Variants in PRELID2 observed in about 807,000 individuals in gnomAD.
PRELID2 encodes PRELI domain-containing protein 2.
Under a neutral mutation model 28.4 loss-of-function variants are expected in PRELID2, and 25 were observed. The ratio of observed to expected loss-of-function variants is 0.88; its 90% CI spans 0.64 to 1.23. The LOEUF is 1.23. Among genes scored for constraint, PRELID2 ranks in the 50% most tolerant of loss-of-function variants. PRELID2 has a pLI of 0.00. For synonymous variants in PRELID2, 76 were observed against 71.6 expected (o/e 1.06, Z -0.31); for missense variants, 201 against 214.4 (o/e 0.94, Z 0.39).
chr5:145,802,636 G>A (rs1051950462), intron 4 of PRELID2, among the ~76,000 whole-genome samples: 1 of 152,172 alleles, frequency 6.6e-6, no homozygotes, highest in African/African-American at 2.4e-5. Flanking sequence ...ATTGTGGGAT[G>A]AGCCACCTAA....
chr5:145,523,893 T>C (rs1752585027), intron 1 of PRELID2, among the ~76,000 whole-genome samples: 1 of 152,226 alleles, frequency 6.6e-6, no homozygotes, highest in Admixed American at 6.5e-5. Flanking sequence ...ATCCTTGTAC[T>C]AGTTTGCACA....
chr5:145,532,408 G>A (rs1035777796), intron 1 of PRELID2, among the ~76,000 whole-genome samples: 14 of 151,950 alleles, frequency 9.2e-5, no homozygotes, highest in Admixed American at 2.0e-4. Context: ...AAACATATAC[G>A]TTGTAGAATG....
chr5:145,542,902 A>G (rs536335947), intron 1 of PRELID2, among the ~76,000 whole-genome samples: 1 of 152,036 alleles, frequency 6.6e-6, no homozygotes, highest in African/African-American at 2.4e-5. Context: ...ATCCTATCAG[A>G]TTAAGAACAA....
intron 1 of PRELID2, among the ~76,000 whole-genome samples, chr5:145,735,281 A>T (rs116582572): frequency 0.023 from 3,554 of 151,628 alleles, 133 homozygotes; most frequent in African/African-American, 0.081. Flanking sequence ...AGTCTAACTC[A>T]TCTTAACTCC....
intron 1 of PRELID2, among the ~76,000 whole-genome samples, chr5:145,579,986 A>G (rs533301403): frequency 1.6e-4 from 25 of 152,254 alleles, no homozygotes; most frequent in African/African-American, 5.8e-4. Flanking sequence ...ATGAATGAAT[A>G]ACTTTCCAAA....
At chr5:145,425,892 G>A in the PRELID2 span, among the ~76,000 whole-genome samples, 4 of 152,048 alleles carry the variant, frequency 2.6e-5, no homozygotes, top group Non-Finnish European at 4.4e-5. Flanking sequence ...AACCAACTAT[G>A]CCTTCCCACT....
At chr5:145,550,336 G>A (rs962556008) in intron 1 of PRELID2, among the ~76,000 whole-genome samples, 5 of 152,126 alleles carry the variant, frequency 3.3e-5, no homozygotes, top group African/African-American at 1.2e-4. Context: ...ATGAAGTCTG[G>A]AGTTTACCAG....
At chr5:145,639,794 A>C (rs1754067198) in intron 1 of PRELID2, among the ~76,000 whole-genome samples, 3 of 152,232 alleles carry the variant, frequency 2.0e-5, no homozygotes. Context: ...TACAGAAAGA[A>C]AAAAAGATTT....
At chr5:145,744,176 C>T (rs564121833) in intron 1 of PRELID2, among the ~76,000 whole-genome samples, 1 of 152,340 alleles carries the variant, frequency 6.6e-6, no homozygotes, top group African/African-American at 2.4e-5. Context: ...CCCAGATCTC[C>T]CTGGGCCTGA....
At chr5:145,829,061 T>C (rs1755413167) in intron 1 of PRELID2, among the ~76,000 whole-genome samples, 3 of 151,068 alleles carry the variant, frequency 2.0e-5, no homozygotes, top group Admixed American at 2.0e-4. Context: ...TTGTTGTTGG[T>C]GGTGGTGGTG....
chr5:145,322,311 C>G, the PRELID2 span, among the ~76,000 whole-genome samples: 1 of 152,130 alleles, frequency 6.6e-6, no homozygotes, highest in East Asian at 1.9e-4. Context: ...ATATAAGGAC[C>G]TCTTAGGACC....
chr5:145,352,333 T>A, the PRELID2 span, among the ~76,000 whole-genome samples: 1 of 152,336 alleles, frequency 6.6e-6, no homozygotes, highest in South Asian at 2.1e-4. Context: ...GACTTCTGTG[T>A]ACCCTCATGC....
the PRELID2 span, among the ~76,000 whole-genome samples, chr5:145,421,191 T>C: frequency 8.6e-5 from 13 of 150,782 alleles, no homozygotes; most frequent in African/African-American, 1.7e-4. Context: ...GGTCTAAAAT[T>C]CTCTTTTTTT....
At position 145,756,433 on chromosome 5, in the gene PRELID2, G is replaced by T. The variant is rs79498657; in HGVS notation, c.*4103C>A. On this transcript the variant is annotated 3_prime_UTR_variant, in exon 7 of 7. Coordinates refer to ENST00000683046, the MANE Select transcript of PRELID2 (RefSeq NM_205846.3). The stretch of plus-strand genomic sequence containing the variant: ...TATAGCTCTATATCACAATAACACT[G>T]AATCAGAAACACTTCATCCCACATA... 6.6e-6 allele frequency among the ~76,000 whole-genome samples: 1 copy of T among 152,160 alleles called. No individual in the cohort carries two copies. Among genetic ancestry groups the T allele is most frequent in the Non-Finnish European group, 1.5e-5 (1 of 68,036 alleles).
At chr5:145,462,590 C>T in the PRELID2 span, among the ~76,000 whole-genome samples, 8 of 152,204 alleles carry the variant, frequency 5.3e-5, no homozygotes, top group African/African-American at 1.2e-4. Flanking sequence ...CTTTCCCTAC[C>T]CTGCTCTGTG....
At chr5:145,232,580 C>A in the PRELID2 span, among the ~76,000 whole-genome samples, 1 of 152,118 alleles carries the variant, frequency 6.6e-6, no homozygotes, top group Non-Finnish European at 1.5e-5. Flanking sequence ...AAGGCTTGAT[C>A]ACTCGTTATT....
At chr5:145,514,617 G>A (rs1247099265) in intron 1 of PRELID2, among the ~76,000 whole-genome samples, 1 of 152,112 alleles carries the variant, frequency 6.6e-6, no homozygotes, top group East Asian at 1.9e-4. Context: ...AGGATATTCA[G>A]GACTTGAACT....
intron 1 of PRELID2, among the ~76,000 whole-genome samples, chr5:145,638,500 T>C (rs534009906): frequency 5.9e-5 from 9 of 152,324 alleles, no homozygotes; most frequent in Admixed American, 5.2e-4. Context: ...ACTGTCTATA[T>C]CTTACCCTTG....
At chr5:145,366,466 T>G in the PRELID2 span, among the ~76,000 whole-genome samples, 1 of 151,868 alleles carries the variant, frequency 6.6e-6, no homozygotes, top group Non-Finnish European at 1.5e-5. Flanking sequence ...CCAAATAAGC[T>G]AAATGACAGT....
Sources: gnomAD v4.1 joint callset for allele counts (sites outside exome capture counted in the v4.1 genomes callset) on GRCh38, gnomAD v4.1.1 for gene constraint, MANE v1.5 for transcripts, NCBI Gene and HGNC (gene_info 2026-07-23, HGNC 2026-07-21) for gene names.